The following ADAM12 variants were observed in gnomAD, a reference collection of about 807,000 sequenced individuals.
The protein encoded by ADAM12 is disintegrin and metalloproteinase domain-containing protein 12.
ADAM12 carries 70 observed loss-of-function variants against 106.4 expected under a neutral mutation model. That is an observed-to-expected ratio of 0.66 (90% confidence interval 0.54 to 0.80). The LOEUF is 0.80. Ranked by LOEUF, ADAM12 falls within the 30% of genes least tolerant of loss-of-function variation. The probability of loss-of-function intolerance (pLI) is 0.00; values close to 1 mark genes in which losing one functional copy is unlikely to be tolerated. For synonymous variants in ADAM12, 420 were observed against 433.5 expected (o/e 0.97, Z 0.39); for missense variants, 1,010 against 1,171.9 (o/e 0.86, Z 2.02).
chr10:126,041,793 G>C (rs936364974), intron 18 of ADAM12: 3 of 1,123,280 alleles, frequency 2.7e-6, no homozygotes, highest in Non-Finnish European at 3.3e-6. Flanking sequence ...TGCTGTGGAG[G>C]CTCAGTGAAA....
Position 126,049,414 on chromosome 10 carries a change from C to T in ADAM12, c.1756G>A (p.Ala586Thr), listed in dbSNP as rs1328584245. ...TTGGTACCAATGACTGGCCGGCTGG[C>T]ACCTCCTTGACACTGGATTTTTCCA... is the stretch of plus-strand genomic sequence containing the variant. ...KCGKIQCQGG[A>T]SRPVIGTNAV... is the part of the protein sequence containing the mutation. Residue 586 changes from alanine to threonine, a missense_variant, in exon 16 of 23, where the codon GCC becomes ACC. Ala to Thr is a moderately conservative substitution (Grantham distance 58, BLOSUM62 0). This residue lies in a region of ADAM12 where 615 missense variants were observed against 708.5 expected (regional missense o/e 0.87). Coordinates refer to ENST00000448723, the MANE Select transcript of ADAM12 (RefSeq NM_001288973.2). The surrounding 1 kb of genome is among the most constrained non-coding windows in gnomAD (Gnocchi z 4.4). 1 of 1,614,196 alleles carries T rather than the reference C, an allele frequency of 6.2e-7. No individual in the cohort carries two copies. The highest frequency in any genetic ancestry group is 8.5e-7 in the Non-Finnish European group (1 of 1,180,030).
At position 126,222,696 on chromosome 10, in the gene ADAM12, G is replaced by GA. The variant is rs1334112932; in HGVS notation, c.260+56218dup. 2.0e-5 allele frequency among the ~76,000 whole-genome samples: 3 copies of GA among 152,022 alleles called. No individual in the cohort carries two copies. The East Asian group carries it at 5.8e-4, about 29-fold the overall frequency. On this transcript the variant is annotated intron_variant, in intron 3 of 22. Coordinates refer to ENST00000448723, the MANE Select transcript of ADAM12 (RefSeq NM_001288973.2). ...TTCCGGGGTGTTTTCTAACCGTAAA[G>GA]AAGACAGGCATCATGGTACTGATTT...
chr10:126,126,733 G>C (rs905715878), intron 5 of ADAM12, among the ~76,000 whole-genome samples: 2 of 151,934 alleles, frequency 1.3e-5, no homozygotes, highest in African/African-American at 4.8e-5. Context: ...TCTAAGAGGG[G>C]GGTTGAACAA....
intron 3 of ADAM12, among the ~76,000 whole-genome samples, chr10:126,199,067 C>A (rs1283339011): frequency 1.3e-5 from 2 of 152,016 alleles, no homozygotes; most frequent in African/African-American, 4.8e-5. Flanking sequence ...GCTTTTGGGG[C>A]CCTAGGAATA....
intron 3 of ADAM12, among the ~76,000 whole-genome samples, chr10:126,255,760 G>C (rs182999461): frequency 1.7e-4 from 26 of 152,318 alleles, no homozygotes; most frequent in African/African-American, 4.6e-4. Flanking sequence ...TACTCTGAAG[G>C]GGGGATGGCA....
At chr10:126,191,674 A>G (rs544320767) in intron 3 of ADAM12, among the ~76,000 whole-genome samples, 2 of 152,322 alleles carry the variant, frequency 1.3e-5, no homozygotes, top group Non-Finnish European at 2.9e-5. Flanking sequence ...AAGATAATTC[A>G]ACAATGTTGA....
intron 1 of ADAM12, among the ~76,000 whole-genome samples, chr10:126,354,178 T>C (rs975613731): frequency 6.6e-6 from 1 of 152,210 alleles, no homozygotes; most frequent in Non-Finnish European, 1.5e-5. Flanking sequence ...GCCTTCCAGA[T>C]TTGCCTTCCT....
At chr10:126,052,353 G>A (rs1590341683) in intron 14 of ADAM12, among the ~76,000 whole-genome samples, 1 of 152,348 alleles carries the variant, frequency 6.6e-6, no homozygotes, top group East Asian at 1.9e-4. Flanking sequence ...TGACTGCTTA[G>A]CTCCTAGGAA....
At chr10:126,363,088 A>G (rs1412673479) in intron 1 of ADAM12, among the ~76,000 whole-genome samples, 1 of 152,208 alleles carries the variant, frequency 6.6e-6, no homozygotes, top group African/African-American at 2.4e-5. Flanking sequence ...AGTTTTAAAA[A>G]AAGAAATGAG....
rs1856749739 is a variant in ADAM12 at position 126,388,231 on chromosome 10, T to C, written c.-86A>G. 2.5e-6 allele frequency: 3 copies of C among 1,188,344 alleles called. No homozygotes were observed. The highest frequency in any genetic ancestry group is 8.4e-5 in the South Asian group (2 of 23,896). The allele number at this position is 1,188,344 out of a possible 1,614,324, so 73.6% of individuals were successfully genotyped here. ...GCGGGCGCCGAGCCGGGGCCGGGCGTCGCGACCGGAGGGATTTCCTGCCTC... is the reference window on the plus strand; with the variant it reads ...GCGGGCGCCGAGCCGGGGCCGGGCGCCGCGACCGGAGGGATTTCCTGCCTC... On this transcript the variant is annotated 5_prime_UTR_variant, in exon 1 of 23. Transcript: ENST00000448723. This position sits in a 1 kb window ranked among gnomAD's most constrained non-coding sequence, Gnocchi z 4.4.
At chr10:126,319,805 T>C (rs1854034466) in intron 2 of ADAM12, among the ~76,000 whole-genome samples, 3 of 152,318 alleles carry the variant, frequency 2.0e-5, no homozygotes, top group Admixed American at 2.0e-4. Flanking sequence ...CTTTGCAATT[T>C]TTTTATAAAT....
intron 1 of ADAM12, among the ~76,000 whole-genome samples, chr10:126,344,553 T>A (rs1855062163): frequency 6.6e-6 from 1 of 152,250 alleles, no homozygotes; most frequent in Non-Finnish European, 1.5e-5. Context: ...TTTCCAACTC[T>A]GTGAAGAAAG....
chr10:126,381,558 C>T (rs552187414), intron 1 of ADAM12, among the ~76,000 whole-genome samples: 22 of 152,210 alleles, frequency 1.4e-4, no homozygotes, highest in Admixed American at 9.8e-4. Flanking sequence ...TACAGTGGCA[C>T]GATCTCAGCT....
intron 2 of ADAM12, among the ~76,000 whole-genome samples, chr10:126,309,807 C>T (rs1374274593): frequency 2.6e-5 from 4 of 152,132 alleles, no homozygotes; most frequent in Non-Finnish European, 5.9e-5. Flanking sequence ...ATATGGACTT[C>T]AGCCTTGCAA....
In ADAM12 at chr10:126,049,580, AG is replaced by A. The variant is rs1163005483; in HGVS notation, c.1698del (p.Phe567LeufsTer6). 1 of 1,614,214 alleles carries A rather than the reference AG, an allele frequency of 6.2e-7. No homozygotes were observed. The highest frequency in any genetic ancestry group is 8.5e-7 in the Non-Finnish European group (1 of 1,180,032). ...YGNCGKVSKS[S>X]FAKCEMRDAK... ...CCATACCTCATCTCGCATTTGGCAA[AG>A]GAACTCTTCGAGACTTTGCCACAGT... On this transcript the variant is annotated frameshift_variant, in exon 15 of 23. Transcript: ENST00000448723. LOFTEE classifies it high-confidence loss of function. The surrounding 1 kb of genome is among the most constrained non-coding windows in gnomAD (Gnocchi z 4.4).
At chr10:126,379,746 AT>A (rs66488807) in intron 1 of ADAM12, among the ~76,000 whole-genome samples, 15,939 of 150,476 alleles carry the variant, frequency 0.11, 1,190 homozygotes, top group East Asian at 0.26. Context: ...CAGTATTTCA[AT>A]TTTTTTTTTT....
chr10:126,121,617 C>T (rs181968330), intron 5 of ADAM12, among the ~76,000 whole-genome samples: 424 of 149,308 alleles, frequency 2.8e-3, no homozygotes, highest in African/African-American at 9.9e-3. Flanking sequence ...TACATCAATC[C>T]TCGAGGAATA....
At chr10:126,020,852 C>G (rs1953751626) in intron 21 of ADAM12, among the ~76,000 whole-genome samples, 2 of 151,924 alleles carry the variant, frequency 1.3e-5, no homozygotes, top group Non-Finnish European at 2.9e-5. Flanking sequence ...ATTAGCCTAG[C>G]ATGGTGGCAC....
intron 2 of ADAM12, among the ~76,000 whole-genome samples, chr10:126,324,754 G>T (rs777935400): frequency 6.6e-6 from 1 of 152,112 alleles, no homozygotes; most frequent in South Asian, 2.1e-4. Context: ...CAGAGTCTAC[G>T]TTGGGGGACA....
Sources: allele counts gnomAD v4.1 joint callset (sites outside exome capture counted in the v4.1 genomes callset), GRCh38; gene constraint gnomAD v4.1.1; regional missense constraint gnomAD v4.1.1; non-coding constraint Gnocchi (gnomAD v3.1); transcripts MANE v1.5; gene names NCBI Gene and HGNC (gene_info 2026-07-23, HGNC 2026-07-21).